The following CYP2C19 variants were observed in gnomAD, a reference collection of about 807,000 sequenced individuals.
CYP2C19 encodes cytochrome P450 2C19.
A neutral mutation model predicts 40.9 loss-of-function variants in CYP2C19; 59 were observed. The ratio of observed to expected loss-of-function variants is 1.44; its 90% CI spans 1.17 to 1.79. CYP2C19 has a LOEUF of 1.79. Ranked by LOEUF, CYP2C19 falls within the 40% of genes most tolerant of loss-of-function variation. The pLI is 0.00. For missense variants in CYP2C19, 754 were observed against 596.9 expected (o/e 1.26, Z -2.74); for synonymous variants, 253 against 208.7 (o/e 1.21, Z -1.83).
intron 5 of CYP2C19, among the ~76,000 whole-genome samples, chr10:94,818,221 A>T (rs1333636170): frequency 6.9e-6 from 1 of 144,830 alleles, no homozygotes. Context: ...GTTATTTCTG[A>T]GGGCTCTGTT....
At position 94,815,964 on chromosome 10, in the gene CYP2C19, T is replaced by G. The variant is rs1288694419; in HGVS notation, c.820-4532T>G. 2.0e-5 allele frequency among the ~76,000 whole-genome samples: 3 copies of G among 152,220 alleles called. No homozygotes were observed. In the East Asian group the frequency reaches 5.8e-4, roughly 29 times the overall value. ...ATGGCCCTAATTTTCCTATTTTTAT[T>G]AATTTAAGTTGTGGTTGTCTACAGG... On this transcript the variant is annotated intron_variant, in intron 5 of 8. Transcript: ENST00000371321.
intron 5 of CYP2C19, among the ~76,000 whole-genome samples, chr10:94,784,972 T>C (rs1307268872): frequency 3.3e-5 from 5 of 152,136 alleles, no homozygotes; most frequent in Non-Finnish European, 5.9e-5. Context: ...TATATCTTCT[T>C]TGGAGAAATG....
At chr10:94,817,329 G>A (rs1207244997) in intron 5 of CYP2C19, among the ~76,000 whole-genome samples, 2 of 151,082 alleles carry the variant, frequency 1.3e-5, no homozygotes, top group Non-Finnish European at 3.0e-5. Flanking sequence ...CTGATGGCCA[G>A]TGATGATGAG....
chr10:94,772,011 T>G (rs1227605883), intron 1 of CYP2C19, among the ~76,000 whole-genome samples: 1 of 152,154 alleles, frequency 6.6e-6, no homozygotes, highest in African/African-American at 2.4e-5. Context: ...TACCAATGCA[T>G]TCTCAAAAAC....
chr10:94,800,549 C>G (rs1848749310), intron 5 of CYP2C19, among the ~76,000 whole-genome samples: 1 of 152,206 alleles, frequency 6.6e-6, no homozygotes, highest in Non-Finnish European at 1.5e-5. Context: ...AAGCACTGCT[C>G]TCTTCAGAGC....
intron 3 of CYP2C19, chr10:94,775,910 G>C: frequency 6.8e-6 from 2 of 294,948 alleles, no homozygotes; most frequent in East Asian, 8.4e-5. Context: ...CTTGACAAGT[G>C]GACATGGTGG....
At chr10:94,828,453 A>G (rs1248381256) in intron 6 of CYP2C19, among the ~76,000 whole-genome samples, 1 of 147,260 alleles carries the variant, frequency 6.8e-6, no homozygotes, top group Non-Finnish European at 1.5e-5. Flanking sequence ...TTGTTGGTTT[A>G]AAGTCTGTTT....
intron 6 of CYP2C19, among the ~76,000 whole-genome samples, chr10:94,822,087 C>A (rs564521963): frequency 9.2e-4 from 140 of 152,188 alleles, no homozygotes; most frequent in African/African-American, 3.3e-3. Context: ...TAATGGCCTC[C>A]TGCTTCATCT....
intron 5 of CYP2C19, among the ~76,000 whole-genome samples, chr10:94,803,279 G>A (rs951248492): frequency 6.6e-6 from 1 of 152,012 alleles, no homozygotes; most frequent in Non-Finnish European, 1.5e-5. Flanking sequence ...TCCAATGGGG[G>A]TGTAACTATA....
intron 5 of CYP2C19, among the ~76,000 whole-genome samples, chr10:94,783,244 AGT>A (rs1367297579): frequency 2.6e-5 from 4 of 152,124 alleles, no homozygotes; most frequent in Admixed American, 6.6e-5. Context: ...TATTGCACAC[AGT>A]TTATTGGAGA....
intron 5 of CYP2C19, among the ~76,000 whole-genome samples, chr10:94,788,044 C>T (rs1459616301): frequency 6.6e-6 from 1 of 151,934 alleles, no homozygotes; most frequent in Non-Finnish European, 1.5e-5. Flanking sequence ...TGATTTTGTT[C>T]AACAGTGTTT....
chr10:94,827,283 G>A (rs545787013), intron 6 of CYP2C19, among the ~76,000 whole-genome samples: 21 of 151,930 alleles, frequency 1.4e-4, no homozygotes, highest in East Asian at 3.9e-4. Flanking sequence ...CTGTGAATCC[G>A]TCTGGTCCTG....
intron 1 of CYP2C19, among the ~76,000 whole-genome samples, chr10:94,773,295 A>T (rs904707444): frequency 6.6e-6 from 1 of 152,162 alleles, no homozygotes; most frequent in African/African-American, 2.4e-5. Flanking sequence ...GCGGACCCAC[A>T]TGGTGAGTGT....
At chr10:94,766,779 AG>A (rs1848251003) in intron 1 of CYP2C19, among the ~76,000 whole-genome samples, 1 of 152,046 alleles carries the variant, frequency 6.6e-6, no homozygotes, top group African/African-American at 2.4e-5. Context: ...ATGGTACTGC[AG>A]GTTCCTCAGG....
At chr10:94,846,276 G>T (rs1849571787) in intron 7 of CYP2C19, among the ~76,000 whole-genome samples, 2 of 151,906 alleles carry the variant, frequency 1.3e-5, no homozygotes, top group Admixed American at 6.6e-5. Context: ...TTTTCTTCGG[G>T]CTTGTTTTGT....
intron 5 of CYP2C19, among the ~76,000 whole-genome samples, chr10:94,814,010 C>T (rs897716381): frequency 5.3e-5 from 8 of 150,670 alleles, no homozygotes; most frequent in African/African-American, 1.7e-4. Context: ...CAGCACATTC[C>T]CTCAAGGCTT....
chr10:94,789,422 G>A (rs563857571), intron 5 of CYP2C19, among the ~76,000 whole-genome samples: 16 of 152,012 alleles, frequency 1.1e-4, no homozygotes, highest in Non-Finnish European at 2.4e-4. Flanking sequence ...CCTTGCCCAT[G>A]CCTATGTCCT....
At chr10:94,823,152 C>T (rs971882003) in intron 6 of CYP2C19, among the ~76,000 whole-genome samples, 3 of 152,088 alleles carry the variant, frequency 2.0e-5, no homozygotes, top group Admixed American at 6.6e-5. Flanking sequence ...ATCAGTGTCC[C>T]TTAAGTCCCC....
At chr10:94,842,786 A>T (rs999623307) in intron 6 of CYP2C19, 51 bp from the exon 7 acceptor site, 1 of 1,589,398 alleles carries the variant, frequency 6.3e-7, no homozygotes, top group Non-Finnish European at 8.6e-7. Flanking sequence ...TTGCTAGAAC[A>T]AATGTTCCAT....
Sources: allele counts gnomAD v4.1 joint callset (sites outside exome capture counted in the v4.1 genomes callset), GRCh38; gene constraint gnomAD v4.1.1; transcripts MANE v1.5; gene names NCBI Gene and HGNC (gene_info 2026-07-23, HGNC 2026-07-21).